Variants in RTN4 observed in about 807,000 individuals in gnomAD.
RTN4 encodes reticulon-4.
A neutral mutation model predicts 90.4 loss-of-function variants in RTN4; 32 were observed. The ratio of observed to expected loss-of-function variants is 0.35; its 90% confidence interval spans 0.27 to 0.48. The LOEUF (loss-of-function observed/expected upper bound fraction) is 0.48. Among genes scored for constraint, RTN4 ranks in the 20% least tolerant of loss-of-function variants. The pLI is 0.99. For missense variants in RTN4, 1,706 were observed against 1,430.2 expected (o/e 1.19, Z -3.11); for synonymous variants, 629 against 552.5 (o/e 1.14, Z -1.94).
the RTN4 span, among the ~76,000 whole-genome samples, chr2:55,122,024 G>T: frequency 1.3e-5 from 2 of 151,646 alleles, no homozygotes; most frequent in Non-Finnish European, 2.9e-5. Flanking sequence ...TTGAGACAGG[G>T]TCTCACTCTG....
Position 54,973,560 on chromosome 2 carries a change from T to TA in RTN4, c.3536+2dup. ...AAAAACACTGCAGATTTTAAATACT[T>TA]ACTTAGCCATAGCATCTTTAACATT... On this transcript the variant is annotated splice_region_variant and intron_variant, in intron 8 of 8. Transcript: ENST00000337526. The TA allele has an allele frequency of 1.2e-6, 2 of 1,600,766 alleles. No individual in the cohort carries two copies. The highest frequency in any genetic ancestry group is 1.7e-6 in the Non-Finnish European group (2 of 1,168,028).
intron 1 of RTN4, among the ~76,000 whole-genome samples, chr2:55,036,219 T>G (rs1240184204): frequency 6.6e-6 from 1 of 152,178 alleles, no homozygotes. Context: ...AATAAAATAG[T>G]AGCAGATTGA....
In RTN4 at chr2:55,025,659, G is replaced by T. The variant is rs80121116; in HGVS notation, c.2440C>A (p.Leu814Met). Residue 814 changes from leucine to methionine, a missense_variant, in exon 3 of 9, where the codon CTG (leucine) becomes ATG (methionine). Coordinates refer to ENST00000337526, the MANE Select transcript of RTN4 (RefSeq NM_020532.5). ...AATGTTGAAACTTCATCAGGTAACA[G>T]GGTATCTTTTGTGTTATCTAAACTG... The part of the protein sequence containing the change: ...KLSLDNTKDT[L>M]LPDEVSTLSK... 7.7e-3 allele frequency: 12,448 copies of T among 1,613,790 alleles called. 65 individuals carry two copies. Among genetic ancestry groups the T allele is most frequent in the Non-Finnish European group, 9.1e-3 (10,685 of 1,179,816 alleles).
rs529061269 is a variant in RTN4, at chr2:55,080,007, C to A, written c.-63+482G>T. ...GTGCAGATATGTAAACATTTGCTAG[C>A]ATTATCTGTGATGAATCTCTTATTT... is the stretch of plus-strand genomic sequence containing the variant. On this transcript the variant is annotated intron_variant, in intron 2 of 3. Transcript: ENST00000427710. Among the ~76,000 whole-genome samples the A allele has an allele frequency of 7.2e-5, 11 of 152,282 alleles. No individual in the cohort carries two copies. The South Asian group carries it at 1.7e-3, about 23-fold the overall frequency.
intron 3 of RTN4, chr2:55,010,518 G>GTTT: frequency 4.4e-6 from 1 of 227,002 alleles, no homozygotes; most frequent in Non-Finnish European, 7.5e-6. Flanking sequence ...GCCATATGCA[G>GTTT]TTTTTTTTTC....
intron 4 of RTN4, among the ~76,000 whole-genome samples, chr2:54,983,817 T>C (rs1473084499): frequency 1.3e-5 from 2 of 152,172 alleles, no homozygotes; most frequent in Non-Finnish European, 2.9e-5. Context: ...ACTACCTAGC[T>C]ATACAACATT....
At chr2:55,105,900 C>T (rs1667935313) in intron 1 of RTN4, among the ~76,000 whole-genome samples, 1 of 152,064 alleles carries the variant, frequency 6.6e-6, no homozygotes, top group South Asian at 2.1e-4. Flanking sequence ...GGATCGCTTG[C>T]ACCCAGGAGT....
chr2:55,040,352 C>G (rs912878380), intron 1 of RTN4, among the ~76,000 whole-genome samples: 1 of 152,126 alleles, frequency 6.6e-6, no homozygotes, highest in African/African-American at 2.4e-5. Context: ...ATACAAGCAT[C>G]TTTGGTAACC....
At chr2:54,980,196 T>C (rs1288133602) in intron 5 of RTN4, among the ~76,000 whole-genome samples, 4 of 152,174 alleles carry the variant, frequency 2.6e-5, no homozygotes, top group Non-Finnish European at 4.4e-5. Context: ...GAAATTAAAA[T>C]ATAAGATTTA....
rs1181495503 is a variant in RTN4 at position 55,027,353 on chromosome 2, T to C, written c.746A>G (p.His249Arg). The change falls in exon 3 of 9, where the codon CAT becomes CGT. Residue 249 changes from histidine to arginine, a missense_variant. Physicochemically the swap from His to Arg is conservative, Grantham distance 29. Coordinates refer to ENST00000337526, the MANE Select transcript of RTN4 (RefSeq NM_020532.5). ...SPLSAASFKE[H>R]EYLGNLSTVL... is the part of the protein sequence containing the mutation. ...TGTTGACAAATTACCAAGGTATTCA[T>C]GTTCTTTGAAAGAAGCGGCTGAGAG... The C allele has an allele frequency of 1.2e-6, 2 of 1,613,706 alleles. No homozygotes were observed. Among genetic ancestry groups the C allele is most frequent in the South Asian group, 1.1e-5 (1 of 91,080 alleles).
At chr2:55,032,091 T>C (rs1005723902) in intron 1 of RTN4, among the ~76,000 whole-genome samples, 3 of 152,162 alleles carry the variant, frequency 2.0e-5, no homozygotes, top group African/African-American at 7.2e-5. Context: ...TCGCACTTTT[T>C]TTTTTTTGAG....
intron 3 of RTN4, chr2:55,014,459 T>C (rs1680878725): frequency 2.0e-5 from 3 of 152,162 alleles, no homozygotes; most frequent in Admixed American, 1.3e-4. Flanking sequence ...GTCATTCTTG[T>C]GCAGGGGCTA....
At chr2:54,975,549 G>C (rs1261421820) in intron 5 of RTN4, among the ~76,000 whole-genome samples, 1 of 152,098 alleles carries the variant, frequency 6.6e-6, no homozygotes, top group Non-Finnish European at 1.5e-5. Flanking sequence ...GGCCACATAG[G>C]GTTTGTGTCT....
intron 1 of RTN4, among the ~76,000 whole-genome samples, chr2:55,098,810 C>T (rs1023944067): frequency 1.3e-5 from 2 of 152,108 alleles, no homozygotes; most frequent in Admixed American, 6.6e-5. Context: ...TCATTTGTTC[C>T]GTAGAGTTTC....
intron 1 of RTN4, among the ~76,000 whole-genome samples, chr2:55,091,864 A>C (rs1240555719): frequency 1.1e-5 from 1 of 90,652 alleles, no homozygotes; most frequent in Admixed American, 1.1e-4. Flanking sequence ...AAGATGCAAA[A>C]GCGGAAACCC....
intron 1 of RTN4, among the ~76,000 whole-genome samples, chr2:55,092,287 G>A (rs1239073785): frequency 6.6e-6 from 1 of 150,424 alleles, no homozygotes; most frequent in Non-Finnish European, 1.5e-5. Flanking sequence ...CCAGGCTGGA[G>A]TGTAATGGCA....
chr2:55,013,670 G>T (rs1168070080), intron 3 of RTN4, among the ~76,000 whole-genome samples: 1 of 151,464 alleles, frequency 6.6e-6, no homozygotes, highest in Admixed American at 6.6e-5. Flanking sequence ...ACAGTAGAAA[G>T]TTATATTTTA....
intron 3 of RTN4, among the ~76,000 whole-genome samples, chr2:55,006,909 C>A (rs542019121): frequency 1.3e-5 from 2 of 152,080 alleles, no homozygotes; most frequent in Non-Finnish European, 2.9e-5. Context: ...GCTTTTCTTT[C>A]TTAATAGTTC....
chr2:55,055,228 T>G (rs1313965586), upstream of RTN4, among the ~76,000 whole-genome samples: 1 of 151,748 alleles, frequency 6.6e-6, no homozygotes, highest in Non-Finnish European at 1.5e-5. Context: ...AAGTTAATTT[T>G]GATCTACTAG....
Sources: gnomAD v4.1 joint callset for allele counts (sites outside exome capture counted in the v4.1 genomes callset) on GRCh38, gnomAD v4.1.1 for gene constraint, MANE v1.5 for transcripts, NCBI Gene and HGNC (gene_info 2026-07-23, HGNC 2026-07-21) for gene names.